The following CYP11A1 variants were observed in gnomAD, a reference collection of about 807,000 sequenced individuals.
CYP11A1 encodes the protein cholesterol side-chain cleavage enzyme, mitochondrial.
In CYP11A1, 25 loss-of-function variants were observed where a neutral mutation model predicts 51.9. The ratio of observed to expected loss-of-function variants is 0.48; its 90% CI spans 0.35 to 0.67. The LOEUF (loss-of-function observed/expected upper bound fraction) is 0.67, where lower values mean the gene tolerates loss of function less well. Among genes scored for constraint, CYP11A1 ranks in the 30% least tolerant of loss-of-function variants. The pLI is 0.00. For missense variants in CYP11A1, 578 were observed against 680.9 expected, an observed-to-expected ratio of 0.85 and a Z score of 1.68; for synonymous variants, 245 against 262.1, an observed-to-expected ratio of 0.93 and a Z score of 0.63.
chr15:74,367,518 G>C lies in CYP11A1; in HGVS notation c.68C>G (p.Pro23Arg). The change falls in exon 1 of 9, where the codon CCC (proline) becomes CGC (arginine). Residue 23 changes from proline (P) to arginine (R), a missense_variant. By Grantham distance (103) the Pro-to-Arg change is moderately radical (BLOSUM62 -2). Coordinates refer to ENST00000268053, the MANE Select transcript of CYP11A1 (RefSeq NM_000781.3). ...VKGCQTFLSA[P>R]REGLGRLRVP... ...CCTGAGACGCCCCAGCCCCTCCCTG[G>C]GGGCACTCAGAAAGGTCTGGCAGCC... The C allele has an allele frequency of 6.2e-7, 1 of 1,614,124 alleles. No individual in the cohort carries two copies.
At chr15:74,342,427 C>T (rs1341719093) in intron 5 of CYP11A1, among the ~76,000 whole-genome samples, 1 of 152,124 alleles carries the variant, frequency 6.6e-6, no homozygotes, top group African/African-American at 2.4e-5. Flanking sequence ...TTCTAGGGTG[C>T]CATGCTGCTA....
chr15:74,339,364 A>G (rs1228326371), intron 6 of CYP11A1, 49 bp from the exon 7 acceptor site: 2 of 1,573,482 alleles, frequency 1.3e-6, no homozygotes, highest in Admixed American at 1.7e-5. Context: ...GGCTGGACAC[A>G]GCCGCCGGAG....
intron 1 of CYP11A1, among the ~76,000 whole-genome samples, chr15:74,358,319 C>A (rs146729460): frequency 1.3e-5 from 2 of 152,316 alleles, no homozygotes; most frequent in African/African-American, 4.8e-5. Flanking sequence ...AAACTTCCAC[C>A]TATCAATCTC....
chr15:74,341,803 C>G (rs2060608150), intron 5 of CYP11A1, among the ~76,000 whole-genome samples: 1 of 152,150 alleles, frequency 6.6e-6, no homozygotes, highest in Non-Finnish European at 1.5e-5. Context: ...GGATCCTAAT[C>G]CAGTTCTGAT....
chr15:74,341,600 G>A (rs2060607290), intron 5 of CYP11A1, among the ~76,000 whole-genome samples: 2 of 152,158 alleles, frequency 1.3e-5, no homozygotes, highest in African/African-American at 4.8e-5. Context: ...AGCTTTGTCA[G>A]TGGCAGGTGC....
chr15:74,361,327 C>A, intron 1 of CYP11A1: 2 of 216,068 alleles, frequency 9.3e-6, no homozygotes, highest in Non-Finnish European at 1.9e-5. Flanking sequence ...TATATGTTAC[C>A]AATCACAATT....
intron 1 of CYP11A1, among the ~76,000 whole-genome samples, chr15:74,365,165 AC>A (rs2060726291): frequency 1.3e-5 from 2 of 151,772 alleles, no homozygotes; most frequent in Admixed American, 6.6e-5. Context: ...CCAGCCCCCA[AC>A]CACCCCTGCG....
chr15:74,365,587 G>C, intron 1 of CYP11A1: 2 of 748,128 alleles, frequency 2.7e-6, no homozygotes, highest in African/African-American at 3.8e-5. Flanking sequence ...TTCAAAGGGA[G>C]TGGGATCTGG....
intron 1 of CYP11A1, among the ~76,000 whole-genome samples, chr15:74,349,265 T>TA (rs1035838556): frequency 3.3e-5 from 5 of 152,194 alleles, no homozygotes; most frequent in African/African-American, 2.4e-5. Flanking sequence ...ATACAACTAC[T>TA]AAAAAACAAC....
In CYP11A1 at chr15:74,343,956, A is replaced by G; in HGVS notation, c.662T>C (p.Met221Thr). The G allele has an allele frequency of 2.5e-6, 4 of 1,614,136 alleles. No homozygotes were observed. The highest frequency in any genetic ancestry group is 3.4e-6 in the Non-Finnish European group (4 of 1,180,036). The part of the protein sequence containing the change: ...TNVIFGERQG[M>T]LEEVVNPEAQ... Reference sequence around the variant, plus strand: ...CTCGGGGTTCACTACTTCCTCCAGCATCCCCTGGCGCTCCCCAAAAATGAC... The same window carrying G: ...CTCGGGGTTCACTACTTCCTCCAGCGTCCCCTGGCGCTCCCCAAAAATGAC... The change falls in exon 4 of 9, where the codon ATG becomes ACG. Residue 221 changes from methionine (M) to threonine (T), a missense_variant. Coordinates refer to ENST00000268053, the MANE Select transcript of CYP11A1 (RefSeq NM_000781.3).
At chr15:74,366,174 GCGGCGT>G in intron 1 of CYP11A1, 1 of 985,558 alleles carries the variant, frequency 1.0e-6, no homozygotes, top group Non-Finnish European at 1.2e-6. Context: ...GGCCCGGGCG[GCGGCGT>G]GCGCTGGGAG....
chr15:74,339,803 G>A lies in CYP11A1; in HGVS notation c.991-50C>T, dbSNP rs760974160. The stretch of plus-strand genomic sequence containing the variant: ...AGACCAGGAGGGCCTGTCACTCCGG[G>A]GCCCCTTGAGGTCCTTGACCCCATG... On this transcript the variant is annotated intron_variant, in intron 5 of 8. Coordinates refer to ENST00000268053, the MANE Select transcript of CYP11A1 (RefSeq NM_000781.3). The A allele has an allele frequency of 7.6e-6, 12 of 1,576,140 alleles. No individual in the cohort carries two copies. The South Asian group carries it at 1.2e-4, about 16-fold the overall frequency.
At chr15:74,339,471 C>T in intron 6 of CYP11A1, 116 bp downstream of exon 6, 2 of 1,478,798 alleles carry the variant, frequency 1.4e-6, no homozygotes, top group South Asian at 2.4e-5. Flanking sequence ...CCAGACTTTT[C>T]ACTTCCTGCT....
chr15:74,349,915 G>T (rs188585261), intron 1 of CYP11A1, among the ~76,000 whole-genome samples: 2 of 152,142 alleles, frequency 1.3e-5, no homozygotes, highest in Admixed American at 1.3e-4. Context: ...TGGCACCACT[G>T]CACTCCACCC....
At chr15:74,338,301 C>T in intron 8 of CYP11A1, 198 bp from the exon 9 acceptor site, 5 of 728,694 alleles carry the variant, frequency 6.9e-6, no homozygotes, top group Non-Finnish European at 1.2e-5. Context: ...TAGGCCTAGA[C>T]CTTAACTTGT....
In CYP11A1 at chr15:74,337,855, G is replaced by A; in HGVS notation, c.*117C>T. On this transcript the variant is annotated 3_prime_UTR_variant, in exon 9 of 9. Transcript: ENST00000268053. ...TGACCACTGAGAACCCATTCAACCTGCTGAGCAGGCTGGGCAGAAAGGAGC... is the reference window on the plus strand; with the variant it reads ...TGACCACTGAGAACCCATTCAACCTACTGAGCAGGCTGGGCAGAAAGGAGC... 1 of 1,420,608 alleles carries A rather than the reference G, an allele frequency of 7.0e-7. No homozygotes were observed. Among genetic ancestry groups the A allele is most frequent in the Non-Finnish European group, 9.8e-7 (1 of 1,022,310 alleles). 88.0% of individuals were successfully genotyped at this position (1,420,608 alleles called of 1,614,324 possible). A position where few individuals can be genotyped will look rare whatever the true frequency, so the allele number is the denominator to read the frequency against.
intron 1 of CYP11A1, chr15:74,354,826 G>A (rs866099673): frequency 8.5e-5 from 13 of 152,332 alleles, no homozygotes; most frequent in Middle Eastern, 3.4e-3. Context: ...AGACAGAGGA[G>A]ACGTGTTTTA....
chr15:74,364,549 C>T (rs956193104), intron 1 of CYP11A1: 5 of 152,198 alleles, frequency 3.3e-5, no homozygotes, highest in African/African-American at 1.2e-4. Context: ...ACCTTTGAGC[C>T]CCTACGCTCC....
At chr15:74,364,135 A>G (rs1262208277) in intron 1 of CYP11A1, 1 of 152,876 alleles carries the variant, frequency 6.5e-6, no homozygotes, top group Non-Finnish European at 1.5e-5. Flanking sequence ...TCAGATGATC[A>G]TGTAACAAAG....
Sources: allele counts gnomAD v4.1 joint callset (sites outside exome capture counted in the v4.1 genomes callset), GRCh38; gene constraint gnomAD v4.1.1; transcripts MANE v1.5; gene names NCBI Gene and HGNC (gene_info 2026-07-23, HGNC 2026-07-21).